SPATA31C2: variants seen among roughly 807,000 people sequenced by gnomAD.
SPATA31C2 encodes SPATA31 subfamily C member 2, also known as spermatogenesis-associated protein 31C2.
A neutral mutation model predicts 11.4 loss-of-function variants in SPATA31C2; 5 were observed. That is an observed-to-expected ratio of 0.44 (90% CI 0.23 to 0.92). The LOEUF (loss-of-function observed/expected upper bound fraction) is 0.92, where lower values mean the gene tolerates loss of function less well. Among genes scored for constraint, SPATA31C2 ranks in the 40% least tolerant of loss-of-function variants. The probability of loss-of-function intolerance (pLI) is 0.24; values close to 1 mark genes in which losing one functional copy is unlikely to be tolerated. For missense variants in SPATA31C2, 1,353 were observed against 1,368.6 expected (o/e 0.99, Z 0.18); for synonymous variants, 515 against 538.7 (o/e 0.96, Z 0.61).
In SPATA31C2 at chr9:88,130,431, G is replaced by T; in HGVS notation, c.2606C>A (p.Thr869Asn). 1 of 1,612,976 alleles carries T rather than the reference G, an allele frequency of 6.2e-7. No homozygotes were observed. The highest frequency in any genetic ancestry group is 8.5e-7 in the Non-Finnish European group (1 of 1,179,516). ...AACAGTGGCAGAAACTTGAGGCTGG[G>T]TCTCTGACTTCGTGGCCTTTCCAGG... is the stretch of plus-strand genomic sequence containing the variant. ...FEPGKATKSE[T>N]QPQVSATVVL... The change falls in exon 4 of 4, where the codon ACC becomes AAC. Residue 869 changes from threonine (T) to asparagine (N), a missense_variant. Physicochemically the swap from Thr to Asn is moderately conservative, Grantham distance 65. This residue lies in a region of SPATA31C2 where 1,075 missense variants were observed against 992.8 expected (regional missense o/e 1.08). Coordinates refer to ENST00000324915, the MANE Select transcript of SPATA31C2 (RefSeq NM_001350978.3).
At chr9:88,133,469 C>A (rs1284048641) in intron 2 of SPATA31C2, 125 bp downstream of exon 2, 36 of 1,330,864 alleles carry the variant, frequency 2.7e-5, no homozygotes, top group Non-Finnish European at 3.5e-5. Context: ...TGAGAAGGAC[C>A]CAGGGTTCTG....
intron 1 of SPATA31C2, 32 bp from the exon 2 acceptor site, chr9:88,133,701 C>A (rs555934036): frequency 1.3e-6 from 2 of 1,549,512 alleles, no homozygotes; most frequent in Non-Finnish European, 1.8e-6. Context: ...GGAGCTAGGA[C>A]CGGCTCTCCC....
In SPATA31C2 at chr9:88,130,772, C is replaced by G. The variant is rs550098724; in HGVS notation, c.2265G>C (p.Gly755=). The change falls in exon 4 of 4, where the codon GGG becomes GGC. Residue 755 remains glycine (G), a synonymous_variant. Coordinates refer to ENST00000324915, the MANE Select transcript of SPATA31C2 (RefSeq NM_001350978.3). ...PRGIPSSNDH[G]SLKAPTAGQE... ...GTCCAGCTGTAGGAGCCTTCAAGGA[C>G]CCATGATCATTCGAAGATGGGATCC... 17 of 1,613,096 alleles carry G rather than the reference C, an allele frequency of 1.1e-5. No individual in the cohort carries two copies. The African/African-American group carries it at 1.2e-4, about 11-fold the overall frequency.
In SPATA31C2 at chr9:88,131,856, G is replaced by A; in HGVS notation, c.1181C>T (p.Thr394Ile). The A allele has an allele frequency of 2.5e-6, 4 of 1,611,120 alleles. No individual in the cohort carries two copies. The highest frequency in any genetic ancestry group is 3.4e-6 in the Non-Finnish European group (4 of 1,179,198). ...NKVQALSLPE[T>I]QHPERPLLKK... ...CAACAAAGGCCTTTCAGGGTGCTGA[G>A]TTTCAGGTAGGGAGAGAGCTTGCAC... The change falls in exon 4 of 4, where the codon ACT (threonine) becomes ATT (isoleucine). Residue 394 changes from threonine to isoleucine, a missense_variant. Thr to Ile is a moderately conservative substitution (Grantham distance 89). This residue lies in a region of SPATA31C2 where 1,075 missense variants were observed against 992.8 expected (regional missense o/e 1.08). Coordinates refer to ENST00000324915, the MANE Select transcript of SPATA31C2 (RefSeq NM_001350978.3).
At chr9:88,137,770 G>A (rs1001979859) in intron 1 of SPATA31C2, among the ~76,000 whole-genome samples, 2 of 79,356 alleles carry the variant, frequency 2.5e-5, no homozygotes, top group Non-Finnish European at 2.2e-5. Context: ...CTGCTTGCCA[G>A]GAGACCAGAG....
intron 1 of SPATA31C2, 57 bp downstream of exon 1, chr9:88,138,198 CTAA>C (rs1193164553): frequency 7.9e-6 from 3 of 379,530 alleles, no homozygotes; most frequent in African/African-American, 4.2e-5. Flanking sequence ...AAAGGTGGAA[CTAA>C]TAATAAAAAG....
Position 88,132,156 on chromosome 9 carries a change from T to C in SPATA31C2, c.881A>G (p.Lys294Arg), listed in dbSNP as rs771347327. 289 of 1,610,398 alleles carry C rather than the reference T, an allele frequency of 1.8e-4. 1 individual carries two copies. Among genetic ancestry groups the C allele is most frequent in the Non-Finnish European group, 2.3e-4 (271 of 1,177,574 alleles). The change falls in exon 4 of 4, where the codon AAA (lysine) becomes AGA (arginine). Residue 294 changes from lysine (K) to arginine (R), a missense_variant. Around this residue, in one of 6 missense-constraint regions of SPATA31C2, gnomAD observed 1,075 missense variants for 992.8 expected, o/e 1.08. Transcript: ENST00000324915. ...SALSWSQETT[K>R]TWCVFNSSVQ... ...TGACGAGTTGAAGACGCACCAGGTT[T>C]TGGTAGTCTCCTGCGACCAGGAGAG...
Position 88,130,136 on chromosome 9 carries a change from A to C in SPATA31C2, c.2901T>G (p.His967Gln). ...TCCTCAATCCTTGAAACATTTCTTC[A>C]TGTTTTTCTAAGTTGGGCTTCCTAG... ...ENSRKPNLEK[H>Q]EEMFQGLRTP... is the part of the protein sequence containing the mutation. Residue 967 changes from histidine to glutamine, a missense_variant, in exon 4 of 4, where the codon CAT becomes CAG. His to Gln is a conservative substitution (Grantham distance 24, BLOSUM62 0). Around this residue, in one of 6 missense-constraint regions of SPATA31C2, gnomAD observed 187 missense variants for 205.8 expected, o/e 0.91. Coordinates refer to ENST00000324915, the MANE Select transcript of SPATA31C2 (RefSeq NM_001350978.3). 1 of 1,608,162 alleles carries C rather than the reference A, an allele frequency of 6.2e-7. No individual in the cohort carries two copies. The highest frequency in any genetic ancestry group is 8.5e-7 in the Non-Finnish European group (1 of 1,177,612).
Position 88,130,304 on chromosome 9 carries a change from G to T in SPATA31C2, c.2733C>A (p.Asn911Lys), listed in dbSNP as rs764498580. The T allele has an allele frequency of 6.2e-7, 1 of 1,608,930 alleles. No homozygotes were observed. The highest frequency in any genetic ancestry group is 8.5e-7 in the Non-Finnish European group (1 of 1,179,052). ...QGHLQSMPTGNMQASQELCDL... is the reference protein window; with the variant it reads ...QGHLQSMPTGKMQASQELCDL... The stretch of plus-strand genomic sequence containing the variant: ...CACATAGCTCCTGGGAAGCCTGCAT[G>T]TTCCCAGTAGGCATGCTCTGGAGAT... The change falls in exon 4 of 4, where the codon AAC becomes AAA. Residue 911 changes from asparagine to lysine, a missense_variant. Asn to Lys is a moderately conservative substitution (Grantham distance 94). This residue lies in a region of SPATA31C2 where 1,075 missense variants were observed against 992.8 expected (regional missense o/e 1.08). Coordinates refer to ENST00000324915, the MANE Select transcript of SPATA31C2 (RefSeq NM_001350978.3).
rs757083471 is a variant in SPATA31C2, at chr9:88,132,618, G to T, written c.419C>A (p.Ala140Asp). The T allele has an allele frequency of 1.3e-5, 21 of 1,609,658 alleles. No homozygotes were observed. In the Admixed American group the frequency reaches 1.8e-4, roughly 14 times the overall value. ...CGTAGGCTCATGAGAGGACCGGGAGGCTCCATCAGGTGTTCTTTTGCCCAC... is the reference window on the plus strand; with the variant it reads ...CGTAGGCTCATGAGAGGACCGGGAGTCTCCATCAGGTGTTCTTTTGCCCAC... ...GEVGKRTPDGASRSSHEPTED... is the reference protein window; with the variant it reads ...GEVGKRTPDGDSRSSHEPTED... The change falls in exon 4 of 4, where the codon GCC becomes GAC. Residue 140 changes from alanine (A) to aspartate (D), a missense_variant. This residue lies in a region of SPATA31C2 where 1,075 missense variants were observed against 992.8 expected (regional missense o/e 1.08). Transcript: ENST00000324915.
chr9:88,132,360 G>A lies in SPATA31C2; in HGVS notation c.677C>T (p.Pro226Leu), dbSNP rs749394495. The change falls in exon 4 of 4, where the codon CCT becomes CTT. Residue 226 changes from proline to leucine, a missense_variant. Transcript: ENST00000324915. ...GGGAGGAGGAGTGAAGCCTTTCGGA[G>A]GAGGCGGAGAGCAGGCCAGAGGATC... The part of the protein sequence containing the change: ...TPDPLACSPP[P>L]PKGFTPPPLR... 1.9e-6 allele frequency: 3 copies of A among 1,611,104 alleles called. No individual in the cohort carries two copies. Among genetic ancestry groups the A allele is most frequent in the South Asian group, 2.2e-5 (2 of 91,024 alleles).
In SPATA31C2 at chr9:88,131,295, C is replaced by G. The variant is rs746608663; in HGVS notation, c.1742G>C (p.Ser581Thr). ...HIENILKAHM[S>T]RKLGQTNEGL... ...CTCGTTGGTCTGGCCCAACTTTCTGCTCATGTGGGCTTTCAGGATGTTTTC... is the reference window on the plus strand; with the variant it reads ...CTCGTTGGTCTGGCCCAACTTTCTGGTCATGTGGGCTTTCAGGATGTTTTC... Residue 581 changes from serine to threonine, a missense_variant, in exon 4 of 4, where the codon AGC becomes ACC. Transcript: ENST00000324915. The G allele has an allele frequency of 1.2e-6, 2 of 1,611,842 alleles. No homozygotes were observed. Among genetic ancestry groups the G allele is most frequent in the Non-Finnish European group, 8.5e-7 (1 of 1,179,878 alleles).
chr9:88,133,522 C>A, intron 2 of SPATA31C2, 72 bp downstream of exon 2: 2 of 1,581,414 alleles, frequency 1.3e-6, no homozygotes, highest in Admixed American at 1.7e-5. Flanking sequence ...TTTCAACTGA[C>A]TTCTTCAGAG....
Position 88,132,716 on chromosome 9 carries a change from G to C in SPATA31C2, c.327-6C>G, listed in dbSNP as rs1252069346. 1.9e-6 allele frequency: 3 copies of C among 1,597,484 alleles called. No individual in the cohort carries two copies. The highest frequency in any genetic ancestry group is 1.4e-5 in the African/African-American group (1 of 71,382). ...CAAGGTGTGGCCCCAGGAGGCTGCAGGAGACAGGAGGCACAAGCTGCAGCC... is the reference window on the plus strand; with the variant it reads ...CAAGGTGTGGCCCCAGGAGGCTGCACGAGACAGGAGGCACAAGCTGCAGCC... On this transcript the variant is annotated splice_polypyrimidine_tract_variant and splice_region_variant and intron_variant, in intron 3 of 3. Coordinates refer to ENST00000324915, the MANE Select transcript of SPATA31C2 (RefSeq NM_001350978.3).
rs1182501560 is a variant in SPATA31C2, at chr9:88,130,294, A to G, written c.2743T>C (p.Ser915Pro). 2 of 1,609,182 alleles carry G rather than the reference A, an allele frequency of 1.2e-6. No homozygotes were observed. The highest frequency in any genetic ancestry group is 1.7e-5 in the Admixed American group (1 of 59,224). The change falls in exon 4 of 4, where the codon TCC (serine) becomes CCC (proline). Residue 915 changes from serine to proline, a missense_variant. By Grantham distance (74) the Ser-to-Pro change is moderately conservative. Transcript: ENST00000324915. ...QSMPTGNMQA[S>P]QELCDLMSAR... ...GACATGAGGTCACATAGCTCCTGGG[A>G]AGCCTGCATGTTCCCAGTAGGCATG...
chr9:88,132,611 C>A lies in SPATA31C2; in HGVS notation c.426G>T (p.Arg142=), dbSNP rs1372823555. ...VGKRTPDGAS[R]SSHEPTEDAA... is the part of the protein sequence containing the mutation. ...CGTCTTCCGTAGGCTCATGAGAGGA[C>A]CGGGAGGCTCCATCAGGTGTTCTTT... The change falls in exon 4 of 4, where the codon CGG becomes CGT. Residue 142 remains arginine, a synonymous_variant. Transcript: ENST00000324915. 5.0e-6 allele frequency: 8 copies of A among 1,609,690 alleles called. No individual in the cohort carries two copies. The African/African-American group carries it at 8.1e-5, about 16-fold the overall frequency.
Position 88,132,457 on chromosome 9 carries a change from C to T in SPATA31C2, c.580G>A (p.Glu194Lys), listed in dbSNP as rs200394656. The T allele has an allele frequency of 4.3e-6, 7 of 1,611,258 alleles. No homozygotes were observed. In the South Asian group the frequency reaches 6.6e-5, roughly 15 times the overall value. The change falls in exon 4 of 4, where the codon GAA (glutamate) becomes AAA (lysine). Residue 194 changes from glutamate to lysine, a missense_variant. Transcript: ENST00000324915. ...GGATGTTCTAGGAGAAGGGAAGGTT[C>T]TGGTGGCTGGGAGGCACTTAGGGAG... The part of the protein sequence containing the change: ...VSSLSASQPP[E>K]PSLLLEHPSP...
rs1220089154 is a variant in SPATA31C2, at chr9:88,129,954, GGC to G, written c.3081_3082del (p.Lys1027AsnfsTer7). ...TTGGCTCTCAGCAGTGACTGGTGCT[GGC>G]TTCCTTTCTTTCTTTGAAAAAATCG... On this transcript the variant is annotated frameshift_variant, in exon 4 of 4. Transcript: ENST00000324915. LOFTEE classifies it low-confidence loss of function (END_TRUNC). 1 of 1,607,950 alleles carries G rather than the reference GGC, an allele frequency of 6.2e-7. No homozygotes were observed. The highest frequency in any genetic ancestry group is 8.5e-7 in the Non-Finnish European group (1 of 1,176,116).
At chr9:88,136,355 G>A (rs612886) in intron 1 of SPATA31C2, among the ~76,000 whole-genome samples, 65,490 of 104,864 alleles carry the variant, frequency 0.62, 18,315 homozygotes, top group African/African-American at 0.86. Context: ...ATATCGGTTC[G>A]TGCCTTTAGC....
Sources: gnomAD v4.1 joint callset for allele counts (sites outside exome capture counted in the v4.1 genomes callset) on GRCh38, gnomAD v4.1.1 for gene constraint, gnomAD v4.1.1 regional missense constraint, MANE v1.5 for transcripts, NCBI Gene and HGNC (gene_info 2026-07-23, HGNC 2026-07-21) for gene names.